Variants in PCDHA7 observed in about 807,000 individuals in gnomAD.
The protein encoded by PCDHA7 is protocadherin alpha 7.
In PCDHA7, 37 loss-of-function variants were observed where a neutral mutation model predicts 57.2. That is an observed-to-expected ratio of 0.65 (90% CI 0.50 to 0.85). The LOEUF is 0.85. Ranked by LOEUF, PCDHA7 falls within the 40% of genes least tolerant of loss-of-function variation. PCDHA7 has a pLI of 0.00. For missense variants in PCDHA7, 1,188 were observed against 1,241.8 expected (o/e 0.96, Z 0.65); for synonymous variants, 553 against 558.8 (o/e 0.99, Z 0.15).
intron 1 of PCDHA7, chr5:140,856,389 A>G (rs1554148624): frequency 6.3e-7 from 1 of 1,598,440 alleles, no homozygotes; most frequent in African/African-American, 1.3e-5. Context: ...AGGCCGCTGC[A>G]GGTTTTCCAT....
intron 1 of PCDHA7, chr5:140,882,692 A>G (rs998224514): frequency 6.2e-7 from 1 of 1,614,204 alleles, no homozygotes; most frequent in South Asian, 1.1e-5. Context: ...ACGAATAATC[A>G]TTGCAGAATC....
At chr5:140,875,991 T>C in intron 1 of PCDHA7, 2 of 1,613,966 alleles carry the variant, frequency 1.2e-6, no homozygotes, top group South Asian at 2.2e-5. Context: ...ATGCGTTAAG[T>C]CTAAATGAGA....
At chr5:140,985,619 G>A (rs961379624) in intron 3 of PCDHA7, among the ~76,000 whole-genome samples, 1 of 152,064 alleles carries the variant, frequency 6.6e-6, no homozygotes, top group Non-Finnish European at 1.5e-5. Flanking sequence ...TGAACCAGCT[G>A]TGTATTGCTC....
chr5:140,884,217 T>A (rs782181432), intron 1 of PCDHA7: 4 of 1,613,448 alleles, frequency 2.5e-6, no homozygotes, highest in Non-Finnish European at 3.4e-6. Flanking sequence ...CTTCTGGTGC[T>A]GGTGAAGGAC....
intron 3 of PCDHA7, among the ~76,000 whole-genome samples, chr5:141,003,410 C>T (rs1282162216): frequency 1.3e-5 from 2 of 152,110 alleles, no homozygotes; most frequent in Non-Finnish European, 2.9e-5. Flanking sequence ...CTCCCGGGTT[C>T]GAGTGATTCT....
intron 1 of PCDHA7, among the ~76,000 whole-genome samples, chr5:140,917,639 C>T (rs151007423): frequency 1.6e-4 from 25 of 152,268 alleles, no homozygotes; most frequent in African/African-American, 5.8e-4. Flanking sequence ...AGCTAGTTAT[C>T]CCAGCAATAT....
chr5:140,954,673 CTT>C (rs1173553071), intron 1 of PCDHA7, among the ~76,000 whole-genome samples: 2 of 152,076 alleles, frequency 1.3e-5, no homozygotes, highest in South Asian at 4.1e-4. Flanking sequence ...GGATATTAGA[CTT>C]TTGTCAGATG....
At chr5:140,857,435 G>A (rs912006741) in intron 1 of PCDHA7, 4 of 1,598,574 alleles carry the variant, frequency 2.5e-6, no homozygotes, top group Admixed American at 3.4e-5. Flanking sequence ...CACGGTGTTC[G>A]TGAAGGAGAA....
At chr5:140,914,695 A>T (rs970720014) in intron 1 of PCDHA7, among the ~76,000 whole-genome samples, 1 of 151,978 alleles carries the variant, frequency 6.6e-6, no homozygotes, top group African/African-American at 2.4e-5. Context: ...CTCTGGTGGT[A>T]TGATTTAATT....
chr5:140,868,810 G>A lies in PCDHA7; in HGVS notation c.2355+32072G>A, dbSNP rs944762063. On this transcript the variant is annotated intron_variant, in intron 1 of 3. Transcript: ENST00000525929. Reference sequence around the variant, plus strand: ...GAATATTCCATAAATAAGCACGTTGGAAATATTTGGGGGAAGAAACCCAAA... The same window carrying A: ...GAATATTCCATAAATAAGCACGTTGAAAATATTTGGGGGAAGAAACCCAAA... 1.0e-4 allele frequency: 38 copies of A among 369,934 alleles called. No homozygotes were observed. The Admixed American group carries it at 1.3e-3, about 12-fold the overall frequency. The allele number at this position is 369,934 out of a possible 1,614,324, so 22.9% of individuals were successfully genotyped here.
intron 1 of PCDHA7, among the ~76,000 whole-genome samples, chr5:140,898,910 C>G (rs1313149642): frequency 6.6e-6 from 1 of 152,040 alleles, no homozygotes; most frequent in African/African-American, 2.4e-5. Context: ...CTTCACGTCC[C>G]TTGTAAGTTG....
chr5:140,849,786 G>A, intron 1 of PCDHA7: 3 of 1,598,490 alleles, frequency 1.9e-6, no homozygotes, highest in African/African-American at 1.3e-5. Context: ...GCGGGACGGG[G>A]GCTCGCCTTC....
intron 1 of PCDHA7, among the ~76,000 whole-genome samples, chr5:140,917,068 G>A (rs2077864221): frequency 6.6e-6 from 1 of 152,066 alleles, no homozygotes; most frequent in African/African-American, 2.4e-5. Flanking sequence ...CGACAGCACC[G>A]AGTTTAATGT....
intron 1 of PCDHA7, among the ~76,000 whole-genome samples, chr5:140,947,556 A>C (rs1281977555): frequency 1.3e-5 from 2 of 151,584 alleles, no homozygotes; most frequent in Admixed American, 6.6e-5. Flanking sequence ...TTCCGCTGGG[A>C]TTTATATTGG....
At chr5:140,995,819 C>T (rs1045622508) in intron 3 of PCDHA7, among the ~76,000 whole-genome samples, 1 of 152,088 alleles carries the variant, frequency 6.6e-6, no homozygotes, top group African/African-American at 2.4e-5. Flanking sequence ...AGGGAGATAG[C>T]CTGGCATTGC....
chr5:140,905,334 C>A (rs2071752505), intron 1 of PCDHA7, among the ~76,000 whole-genome samples: 1 of 152,144 alleles, frequency 6.6e-6, no homozygotes, highest in East Asian at 1.9e-4. Context: ...TGTTGAAGAT[C>A]AGTTGGCTGT....
intron 1 of PCDHA7, among the ~76,000 whole-genome samples, chr5:140,921,048 T>C (rs1554200052): frequency 6.6e-6 from 1 of 152,052 alleles, no homozygotes; most frequent in African/African-American, 2.4e-5. Context: ...GGGGCAATCA[T>C]AGCTCACTCT....
Position 141,010,368 on chromosome 5 carries a change from C to G in PCDHA7, c.*431C>G, listed in dbSNP as rs368481822. 3,124 of 1,471,046 alleles carry G rather than the reference C, an allele frequency of 2.1e-3. 5 individuals are homozygous for G. Among genetic ancestry groups the G allele is most frequent in the Middle Eastern group, 8.7e-3 (36 of 4,144 alleles). The allele number at this position is 1,471,046 out of a possible 1,614,324, so 91.1% of individuals were successfully genotyped here. A position where few individuals can be genotyped will look rare whatever the true frequency, so the allele number is the denominator to read the frequency against. On this transcript the variant is annotated 3_prime_UTR_variant, in exon 4 of 4. Coordinates refer to ENST00000525929, the MANE Select transcript of PCDHA7 (RefSeq NM_018910.3). ...GGTATGTGTGGCTACCGCGGGTATG[C>G]GAGTGCCAGATATTGGCTGAGACGA...
rs1424640992 is a variant in PCDHA7 at position 140,843,839 on chromosome 5, T to A, written c.2355+7101T>A. On this transcript the variant is annotated intron_variant, in intron 1 of 3. Transcript: ENST00000525929. The stretch of plus-strand genomic sequence containing the variant: ...GAAAATTTAAACATTGTTTAGTTTT[T>A]AGAAACCTTTTATAATTAATTGAAT... The A allele has an allele frequency of 3.1e-5, 33 of 1,049,446 alleles. 4 individuals carry two copies. The Admixed American group carries it at 7.9e-4, about 25-fold the overall frequency. 65.0% of individuals were successfully genotyped at this position (1,049,446 alleles called of 1,614,324 possible).
Sources: gnomAD v4.1 joint callset for allele counts (sites outside exome capture counted in the v4.1 genomes callset) on GRCh38, gnomAD v4.1.1 for gene constraint, MANE v1.5 for transcripts, NCBI Gene and HGNC (gene_info 2026-07-23, HGNC 2026-07-21) for gene names.